RBFOX3: variants seen among roughly 807,000 people sequenced by gnomAD.
RBFOX3 encodes the protein RNA binding fox-1 homolog 3, also known as RNA binding protein fox-1 homolog 3.
RBFOX3 carries 17 observed loss-of-function variants against 48.7 expected under a neutral mutation model. The observed-to-expected ratio is 0.35, with a 90% CI of 0.24 to 0.52. The LOEUF (loss-of-function observed/expected upper bound fraction) is 0.52. RBFOX3 is among the 20% of genes least tolerant of loss of function. The pLI, the probability that RBFOX3 is intolerant of heterozygous loss-of-function variation, is 0.94. For missense variants in RBFOX3, 382 were observed against 497.5 expected (o/e 0.77, Z 2.21); for synonymous variants, 212 against 209.5 (o/e 1.01, Z -0.10).
At position 79,115,644 on chromosome 17, in the gene RBFOX3, C is replaced by T. The variant is rs776796401; in HGVS notation, c.72G>A (p.Pro24=). The T allele has an allele frequency of 9.3e-5, 91 of 978,052 alleles. No individual in the cohort carries two copies. In the East Asian group the frequency reaches 2.8e-3, roughly 30 times the overall value. The allele number at this position is 978,052 out of a possible 1,614,324, so 60.6% of individuals were successfully genotyped here. Residue 24 remains proline, a synonymous_variant, in exon 5 of 15, where the codon CCG becomes CCA. Coordinates refer to ENST00000693108, the MANE Select transcript of RBFOX3 (RefSeq NM_001350451.2). ...PQNGIPAEYA[P]PPPHPTQDYS... ...AGTCCTGCGTGGGGTGCGGTGGGGG[C>T]GGGGCGTACTCGGCAGGGATGCCGT...
At chr17:79,534,930 G>A (rs1438573712) in intron 1 of RBFOX3, among the ~76,000 whole-genome samples, 1 of 152,186 alleles carries the variant, frequency 6.6e-6, no homozygotes, top group Admixed American at 6.5e-5. Context: ...CAAAGACCAG[G>A]GGGAGAAATA....
At chr17:79,574,556 C>T (rs1314399214) in intron 1 of RBFOX3, among the ~76,000 whole-genome samples, 2 of 152,170 alleles carry the variant, frequency 1.3e-5, no homozygotes, top group Non-Finnish European at 2.9e-5. Flanking sequence ...AGGGGAGGAA[C>T]CCTCAGGTCC....
At chr17:79,404,357 C>T (rs910157583) in intron 2 of RBFOX3, among the ~76,000 whole-genome samples, 6 of 152,156 alleles carry the variant, frequency 3.9e-5, no homozygotes, top group Admixed American at 2.0e-4. Context: ...GTCTACACTC[C>T]GGGCATGAGG....
intron 2 of RBFOX3, among the ~76,000 whole-genome samples, chr17:79,317,133 AC>A (rs1181635740): frequency 6.6e-6 from 1 of 151,060 alleles, no homozygotes; most frequent in Non-Finnish European, 1.5e-5. Context: ...CCCCACGGCC[AC>A]CCCCCTCATT....
the RBFOX3 span, among the ~76,000 whole-genome samples, chr17:79,616,859 C>T: frequency 1.1e-4 from 16 of 152,274 alleles, no homozygotes; most frequent in African/African-American, 2.9e-4. Context: ...TGCACCTGTC[C>T]GGGCTCCATG....
chr17:79,293,711 C>T (rs1272588374), intron 3 of RBFOX3, among the ~76,000 whole-genome samples: 1 of 152,104 alleles, frequency 6.6e-6, no homozygotes, highest in Non-Finnish European at 1.5e-5. Flanking sequence ...CCTTGGCCTC[C>T]CAAAGTGCTG....
chr17:79,158,900 T>C (rs1038878643), intron 4 of RBFOX3, among the ~76,000 whole-genome samples: 1 of 152,170 alleles, frequency 6.6e-6, no homozygotes, highest in African/African-American at 2.4e-5. Flanking sequence ...AGATGGACTC[T>C]CACGGCTTCC....
intron 3 of RBFOX3, among the ~76,000 whole-genome samples, chr17:79,289,355 G>A (rs919588015): frequency 1.3e-5 from 2 of 152,146 alleles, no homozygotes; most frequent in East Asian, 1.9e-4. Context: ...CCTTAGTGTC[G>A]ACACCCAGGA....
intron 2 of RBFOX3, among the ~76,000 whole-genome samples, chr17:79,463,557 A>C (rs879951706): frequency 6.3e-3 from 204 of 32,498 alleles, no homozygotes; most frequent in African/African-American, 9.9e-3. Context: ...ATCACCACTG[A>C]CACCTCCACC....
At chr17:79,536,623 G>A (rs1039768635) in intron 1 of RBFOX3, among the ~76,000 whole-genome samples, 3 of 147,988 alleles carry the variant, frequency 2.0e-5, no homozygotes, top group Non-Finnish European at 3.0e-5. Flanking sequence ...GTTTTCCCCT[G>A]AAGGAGCCGG....
At chr17:79,394,415 G>T (rs748554851) in intron 2 of RBFOX3, among the ~76,000 whole-genome samples, 1 of 152,170 alleles carries the variant, frequency 6.6e-6, no homozygotes, top group Non-Finnish European at 1.5e-5. Context: ...CTGAGTGCAG[G>T]TGGGGTTCAT....
chr17:79,453,912 C>A (rs2074009729), intron 2 of RBFOX3, among the ~76,000 whole-genome samples: 1 of 152,164 alleles, frequency 6.6e-6, no homozygotes, highest in Non-Finnish European at 1.5e-5. Flanking sequence ...GAGCTGAGTT[C>A]TGGGATCCCT....
intron 2 of RBFOX3, among the ~76,000 whole-genome samples, chr17:79,349,756 G>A (rs181645982): frequency 6.6e-6 from 1 of 152,160 alleles, no homozygotes; most frequent in Middle Eastern, 3.4e-3. Context: ...ATGTAGCTTG[G>A]TGCACCGAGA....
chr17:79,645,374 G>C, the RBFOX3 span, among the ~76,000 whole-genome samples: 1 of 150,612 alleles, frequency 6.6e-6, no homozygotes, highest in Non-Finnish European at 1.5e-5. Flanking sequence ...GCCACCAAAT[G>C]CCAAGCACAC....
At chr17:79,333,616 G>A (rs1433107260) in intron 2 of RBFOX3, among the ~76,000 whole-genome samples, 1 of 152,202 alleles carries the variant, frequency 6.6e-6, no homozygotes, top group Non-Finnish European at 1.5e-5. Flanking sequence ...ACCTGGAGAA[G>A]CAGGTGCAGG....
intron 1 of RBFOX3, among the ~76,000 whole-genome samples, chr17:79,543,352 G>A (rs1405457973): frequency 6.6e-6 from 1 of 152,156 alleles, no homozygotes; most frequent in Non-Finnish European, 1.5e-5. Context: ...CGGAGGCTCA[G>A]ATAGGGCCGC....
At position 79,094,526 on chromosome 17, in the gene RBFOX3, G is replaced by A. The variant is rs972548690; in HGVS notation, c.1002C>T (p.Tyr334=). 37 of 1,143,614 alleles carry A rather than the reference G, an allele frequency of 3.2e-5. No homozygotes were observed. The highest frequency in any genetic ancestry group is 7.2e-5 in the African/African-American group (4 of 55,852). The allele number at this position is 1,143,614 out of a possible 1,614,324, so 70.8% of individuals were successfully genotyped here. The change falls in exon 14 of 15, where the codon TAC becomes TAT. Residue 334 remains tyrosine, a synonymous_variant. Coordinates refer to ENST00000693108, the MANE Select transcript of RBFOX3 (RefSeq NM_001350451.2). Reference sequence around the variant, plus strand: ...GGTCGGCAGCTGCGTAGACTCTGCCGTAACTAGGGAAGAGCGTGGGAGGGG... The same window carrying A: ...GGTCGGCAGCTGCGTAGACTCTGCCATAACTAGGGAAGAGCGTGGGAGGGG... The part of the protein sequence containing the change: ...AAAAAAYSDS[Y]GRVYAAADPY...
At chr17:79,420,306 T>G (rs1555721587) in intron 2 of RBFOX3, among the ~76,000 whole-genome samples, 1 of 152,234 alleles carries the variant, frequency 6.6e-6, no homozygotes, top group African/African-American at 2.4e-5. Context: ...ATTTCAAATC[T>G]ACTGCCATTT....
chr17:79,393,836 G>T (rs1462961810), intron 2 of RBFOX3, among the ~76,000 whole-genome samples: 2 of 149,296 alleles, frequency 1.3e-5, no homozygotes, highest in Non-Finnish European at 3.0e-5. Context: ...ATCTGAGCTG[G>T]TCATCACACA....
Sources: allele counts gnomAD v4.1 joint callset (sites outside exome capture counted in the v4.1 genomes callset), GRCh38; gene constraint gnomAD v4.1.1; transcripts MANE v1.5; gene names NCBI Gene and HGNC (gene_info 2026-07-23, HGNC 2026-07-21).